Variants in CCDC138 observed in about 807,000 individuals in gnomAD.
The protein encoded by CCDC138 is coiled-coil domain-containing protein 138.
Under a neutral mutation model 82.3 loss-of-function variants are expected in CCDC138, and 66 were observed. The observed-to-expected ratio is 0.80, with a 90% CI of 0.66 to 0.98. The LOEUF (loss-of-function observed/expected upper bound fraction) is 0.98. CCDC138 is among the 50% of genes least tolerant of loss of function. The pLI is 0.00. For synonymous variants in CCDC138, 297 were observed against 265.4 expected, an observed-to-expected ratio of 1.12 and a Z score of -1.16; for missense variants, 816 against 758.9, an observed-to-expected ratio of 1.08 and a Z score of -0.88.
intron 12 of CCDC138, among the ~76,000 whole-genome samples, chr2:108,851,251 C>T (rs920213869): frequency 1.3e-5 from 2 of 152,058 alleles, no homozygotes; most frequent in African/African-American, 2.4e-5. Context: ...TATGTCCAGC[C>T]GTCTGGAAGC....
intron 13 of CCDC138, among the ~76,000 whole-genome samples, chr2:108,861,891 T>C (rs925948007): frequency 3.9e-5 from 6 of 152,228 alleles, no homozygotes; most frequent in African/African-American, 1.4e-4. Flanking sequence ...TGGTATGTTA[T>C]ATCTTGATTT....
At chr2:108,841,182 T>C (rs1040644157) in intron 11 of CCDC138, among the ~76,000 whole-genome samples, 2 of 152,156 alleles carry the variant, frequency 1.3e-5, no homozygotes, top group African/African-American at 4.8e-5. Context: ...GTTACTCTGT[T>C]TTTCTAGTTT....
chr2:108,876,826 C>T (rs942208757), downstream of CCDC138, among the ~76,000 whole-genome samples: 3 of 151,888 alleles, frequency 2.0e-5, no homozygotes, highest in Non-Finnish European at 2.9e-5. Context: ...CATGTATATA[C>T]AAGGCAAGAC....
At chr2:108,850,517 T>C (rs1691287022) in intron 12 of CCDC138, among the ~76,000 whole-genome samples, 1 of 152,122 alleles carries the variant, frequency 6.6e-6, no homozygotes, top group Non-Finnish European at 1.5e-5. Flanking sequence ...AGTGGCACGA[T>C]CTTGGCTCAC....
intron 6 of CCDC138, among the ~76,000 whole-genome samples, chr2:108,803,418 G>A (rs1278912383): frequency 1.3e-5 from 2 of 152,042 alleles, no homozygotes; most frequent in Non-Finnish European, 2.9e-5. Context: ...ATTTTTTAGA[G>A]CTTTAGTGGA....
intron 6 of CCDC138, 53 bp from the exon 7 acceptor site, chr2:108,804,836 T>C: frequency 7.1e-7 from 1 of 1,416,746 alleles, no homozygotes; most frequent in Non-Finnish European, 9.2e-7. Context: ...ATAGTATTAG[T>C]GATATACAGT....
intron 5 of CCDC138, among the ~76,000 whole-genome samples, chr2:108,795,611 A>G (rs1304532826): frequency 6.6e-6 from 1 of 152,218 alleles, no homozygotes; most frequent in African/African-American, 2.4e-5. Flanking sequence ...TTGTCAAAGT[A>G]ATTCAGATTG....
chr2:108,851,230 A>G (rs942728198), intron 12 of CCDC138, among the ~76,000 whole-genome samples: 22 of 152,180 alleles, frequency 1.4e-4, no homozygotes, highest in African/African-American at 5.1e-4. Flanking sequence ...ACCACGCTCC[A>G]GAAATCTCCA....
At chr2:108,842,545 A>T (rs13408028) in intron 11 of CCDC138, among the ~76,000 whole-genome samples, 10,953 of 152,122 alleles carry the variant, frequency 0.072, 505 homozygotes, top group South Asian at 0.15. Context: ...AAGCAAGCAG[A>T]CATGAGTTCT....
Position 108,861,472 on chromosome 2 carries a change from C to CTTTTTTTTTTTTTTTTTTTT in CCDC138, c.1693+4509_1693+4528dup, listed in dbSNP as rs201132350. On this transcript the variant is annotated intron_variant, in intron 13 of 14. Coordinates refer to ENST00000295124, the MANE Select transcript of CCDC138 (RefSeq NM_144978.3). ...ACATTTAGCACTATAAACTTTCTTC[C>CTTTTTTTTTTTTTTTTTTTT]TTTTTTTTTTTTTTTTTTTTTTTTT... Among the ~76,000 whole-genome samples, 8 of 123,526 alleles carry CTTTTTTTTTTTTTTTTTTTT rather than the reference C, an allele frequency of 6.5e-5. 2 individuals are homozygous for CTTTTTTTTTTTTTTTTTTTT. The highest frequency in any genetic ancestry group is 5.5e-4 in the South Asian group (2 of 3,658). 81.0% of individuals were successfully genotyped at this position (123,526 alleles called of 152,430 possible).
intron 10 of CCDC138, among the ~76,000 whole-genome samples, chr2:108,823,564 A>T (rs1686071034): frequency 6.6e-6 from 1 of 152,224 alleles, no homozygotes; most frequent in East Asian, 1.9e-4. Context: ...TGTTGTTCCT[A>T]GGCTGTGATC....
At chr2:108,879,470 A>G (rs1696227985), downstream of CCDC138, among the ~76,000 whole-genome samples, 1 of 152,218 alleles carries the variant, frequency 6.6e-6, no homozygotes, top group South Asian at 2.1e-4. Flanking sequence ...AAAATGAGAA[A>G]GAATAAGATT....
In CCDC138 at chr2:108,849,809, A is replaced by T. The variant is rs1691149119; in HGVS notation, c.1516+2879A>T. On this transcript the variant is annotated intron_variant, in intron 12 of 14. Transcript: ENST00000295124. ...CCAAACCTGTGGGGTTCCAGTGTTC[A>T]TCTACTACCTGGGGCCAAGGTACAT... is the stretch of plus-strand genomic sequence containing the variant. Among the ~76,000 whole-genome samples, 3 of 152,336 alleles carry T rather than the reference A, an allele frequency of 2.0e-5. No homozygotes were observed. The South Asian group carries it at 6.2e-4, about 32-fold the overall frequency.
At chr2:108,877,479 TAAATA>T (rs1274462076), downstream of CCDC138, among the ~76,000 whole-genome samples, 3 of 151,562 alleles carry the variant, frequency 2.0e-5, no homozygotes, top group African/African-American at 7.3e-5. Context: ...AAAATAAAAA[TAAATA>T]AATAAAATAA....
At chr2:108,787,506 T>C (rs1162195563) in intron 1 of CCDC138, among the ~76,000 whole-genome samples, 1 of 152,200 alleles carries the variant, frequency 6.6e-6, no homozygotes, top group Non-Finnish European at 1.5e-5. Context: ...ACCACAGTAA[T>C]ATTTTCAGGA....
At chr2:108,816,441 A>G (rs887375174) in intron 10 of CCDC138, among the ~76,000 whole-genome samples, 1 of 152,004 alleles carries the variant, frequency 6.6e-6, no homozygotes, top group Non-Finnish European at 1.5e-5. Context: ...ACAGAGCAAG[A>G]CTCTGTTTCA....
At chr2:108,815,201 A>G (rs963164959) in intron 9 of CCDC138, among the ~76,000 whole-genome samples, 2 of 152,188 alleles carry the variant, frequency 1.3e-5, no homozygotes, top group African/African-American at 4.8e-5. Flanking sequence ...GAAGAGAAAG[A>G]TAAGTTTCAT....
At chr2:108,857,364 C>T (rs551822314) in intron 13 of CCDC138, among the ~76,000 whole-genome samples, 1 of 151,986 alleles carries the variant, frequency 6.6e-6, no homozygotes, top group Admixed American at 6.6e-5. Context: ...CCACTGCGCC[C>T]GGACTATTGC....
At chr2:108,860,768 TTTG>T (rs1404779742) in intron 13 of CCDC138, among the ~76,000 whole-genome samples, 2 of 151,788 alleles carry the variant, frequency 1.3e-5, no homozygotes, top group African/African-American at 2.4e-5. Context: ...GTTTTCTACT[TTTG>T]TTGTGTCTTT....
Sources: allele counts gnomAD v4.1 joint callset (sites outside exome capture counted in the v4.1 genomes callset), GRCh38; gene constraint gnomAD v4.1.1; transcripts MANE v1.5; gene names NCBI Gene and HGNC (gene_info 2026-07-23, HGNC 2026-07-21).